Variants in ACTRT3 observed in about 807,000 individuals in gnomAD.
The protein encoded by ACTRT3 is actin related protein T3, also known as actin-related protein T3.
A neutral mutation model predicts 17.6 loss-of-function variants in ACTRT3; 15 were observed. The ratio of observed to expected loss-of-function variants is 0.85; its 90% CI spans 0.57 to 1.31. ACTRT3 has a LOEUF of 1.31. Among genes scored for constraint, ACTRT3 ranks in the 50% most tolerant of loss-of-function variants. The pLI, the probability that ACTRT3 is intolerant of heterozygous loss-of-function variation, is 0.00. For missense variants in ACTRT3, 457 were observed against 466.7 expected, an observed-to-expected ratio of 0.98 and a Z score of 0.19; for synonymous variants, 169 against 176.4, an observed-to-expected ratio of 0.96 and a Z score of 0.33.
chr3:169,767,322 T>A lies in ACTRT3; in HGVS notation c.*110A>T. On this transcript the variant is annotated 3_prime_UTR_variant, in exon 2 of 2. Coordinates refer to ENST00000330368, the MANE Select transcript of ACTRT3 (RefSeq NM_032487.5). ...CCATTATAGAAATACAACAGAAATATTGGCATCCCAATAGGTGAAGTATTT... is the reference window on the plus strand; with the variant it reads ...CCATTATAGAAATACAACAGAAATAATGGCATCCCAATAGGTGAAGTATTT... The A allele has an allele frequency of 2.1e-6, 2 of 950,148 alleles. No individual in the cohort carries two copies. The allele number at this position is 950,148 out of a possible 1,614,324, so 58.9% of individuals were successfully genotyped here. A position where few individuals can be genotyped will look rare whatever the true frequency, so the allele number is the denominator to read the frequency against.
rs1778041676 is a variant in ACTRT3 at position 169,769,360 on chromosome 3, C to T, written c.161G>A (p.Gly54Asp). Reference sequence around the variant, plus strand: ...GCTCCTCCAGTCCTGAGCTTGGTCGCCCACGCAGAGTTCTAGCCCGCCCTG... The same window carrying T: ...GCTCCTCCAGTCCTGAGCTTGGTCGTCCACGCAGAGTTCTAGCCCGCCCTG... ...AAQGGLELCV[G>D]DQAQDWRSSL... The change falls in exon 1 of 2, where the codon GGC becomes GAC. Residue 54 changes from glycine (G) to aspartate (D), a missense_variant. By Grantham distance (94) the Gly-to-Asp change is moderately conservative. Coordinates refer to ENST00000330368, the MANE Select transcript of ACTRT3 (RefSeq NM_032487.5). 6.3e-6 allele frequency: 10 copies of T among 1,589,724 alleles called. No homozygotes were observed. The highest frequency in any genetic ancestry group is 6.8e-6 in the Non-Finnish European group (8 of 1,172,148).
Position 169,769,452 on chromosome 3 carries a change from C to G in ACTRT3, c.69G>C (p.Gly23=). The G allele has an allele frequency of 6.2e-7, 1 of 1,610,820 alleles. No individual in the cohort carries two copies. The highest frequency in any genetic ancestry group is 2.2e-5 in the East Asian group (1 of 44,730). Residue 23 remains glycine (G), a synonymous_variant, in exon 1 of 2, where the codon GGG becomes GGC. Transcript: ENST00000330368. ...GGTAGATAAACTGGGGCTCCCGGCA[C>G]CCAGCCACGCCCGCCTTGATCATTC... The part of the protein sequence containing the change: ...GSGMIKAGVA[G]CREPQFIYPN...
rs139678886 is a variant in ACTRT3 at position 169,767,538 on chromosome 3, A to G, written c.1013T>C (p.Met338Thr). 2.0e-5 allele frequency: 32 copies of G among 1,614,066 alleles called. No individual in the cohort carries two copies. The African/African-American group carries it at 4.1e-4, about 21-fold the overall frequency. Reference sequence around the variant, plus strand: ...CAAGGATGCAAGAATAGAACCTCCCATCCACACTGATATTTTCCTTTCTGG... The same window carrying G: ...CAAGGATGCAAGAATAGAACCTCCCGTCCACACTGATATTTTCCTTTCTGG... ...APPERKISVW[M>T]GGSILASLSA... The change falls in exon 2 of 2, where the codon ATG (methionine) becomes ACG (threonine). Residue 338 changes from methionine to threonine, a missense_variant. Met to Thr is a moderately conservative substitution (Grantham distance 81). Coordinates refer to ENST00000330368, the MANE Select transcript of ACTRT3 (RefSeq NM_032487.5).
rs771375557 is a variant in ACTRT3, at chr3:169,768,022, G to A, written c.529C>T (p.Leu177=). 69 of 1,614,020 alleles carry A rather than the reference G, an allele frequency of 4.3e-5. No individual in the cohort carries two copies. The highest frequency in any genetic ancestry group is 5.8e-5 in the Non-Finnish European group (69 of 1,180,036). The part of the protein sequence containing the change: ...GYCLPHGVQQ[L]DLAGLDLTNY... Reference sequence around the variant, plus strand: ...GTGAGGTCAAGGCCTGCCAGATCCAGTTGCTGCACACCATGAGGCAGACAG... The same window carrying A: ...GTGAGGTCAAGGCCTGCCAGATCCAATTGCTGCACACCATGAGGCAGACAG... The change falls in exon 2 of 2, where the codon CTG becomes TTG. Residue 177 remains leucine (L), a synonymous_variant. Transcript: ENST00000330368.
In ACTRT3 at chr3:169,767,756, G is replaced by T. The variant is rs1401712310; in HGVS notation, c.795C>A (p.Asn265Lys). The stretch of plus-strand genomic sequence containing the variant: ...TCTTATCAATGCCAGGGGCCTCAAG[G>T]TTCATATGACACGGAGAGAAGAGGG... ...PEALFSPCHMNLEAPGIDKIC... is the reference protein window; with the variant it reads ...PEALFSPCHMKLEAPGIDKIC... Residue 265 changes from asparagine to lysine, a missense_variant, in exon 2 of 2, where the codon AAC becomes AAA. Transcript: ENST00000330368. 1.9e-6 allele frequency: 3 copies of T among 1,613,994 alleles called. No homozygotes were observed. The highest frequency in any genetic ancestry group is 3.3e-4 in the Middle Eastern group (2 of 6,084).
chr3:169,768,375 T>A (rs78107829), intron 1 of ACTRT3, 25 bp from the exon 2 acceptor site: 2 of 1,573,436 alleles, frequency 1.3e-6, no homozygotes, highest in African/African-American at 2.7e-5. Context: ...ATAAGATCAA[T>A]GACAGCTTTT....
Position 169,767,303 on chromosome 3 carries a change from T to C in ACTRT3, c.*129A>G, listed in dbSNP as rs16854356. 8,042 of 797,740 alleles carry C rather than the reference T, an allele frequency of 0.01. 473 individuals carry two copies. In the African/African-American group the frequency reaches 0.13, roughly 12 times the overall value. 49.4% of individuals were successfully genotyped at this position (797,740 alleles called of 1,614,324 possible). On this transcript the variant is annotated 3_prime_UTR_variant, in exon 2 of 2. Transcript: ENST00000330368. ...CCATTATTATCCCCCAAACCCATTA[T>C]AGAAATACAACAGAAATATTGGCAT...
Position 169,769,392 on chromosome 3 carries a change from G to C in ACTRT3, c.129C>G (p.Arg43=). The change falls in exon 1 of 2, where the codon CGC becomes CGG. Residue 43 remains arginine, a synonymous_variant. Transcript: ENST00000330368. ...NIIGRAKGQS[R]AAQGGLELCV... is the part of the protein sequence containing the mutation. ...AGAGTTCTAGCCCGCCCTGGGCCGCGCGGCTCTGGCCCTTGGCGCGGCCGA... is the reference window on the plus strand; with the variant it reads ...AGAGTTCTAGCCCGCCCTGGGCCGCCCGGCTCTGGCCCTTGGCGCGGCCGA... The C allele has an allele frequency of 6.2e-7, 1 of 1,605,178 alleles. No individual in the cohort carries two copies. The highest frequency in any genetic ancestry group is 8.5e-7 in the Non-Finnish European group (1 of 1,178,016).
Position 169,769,521 on chromosome 3 carries a change from G to A in ACTRT3, c.-1C>T. The A allele has an allele frequency of 6.2e-7, 1 of 1,607,622 alleles. No individual in the cohort carries two copies. Among genetic ancestry groups the A allele is most frequent in the Non-Finnish European group, 8.5e-7 (1 of 1,176,978 alleles). ...CCACCGGTAGCTGGCAGTGGTTCAT[G>A]CCGCCGCTGCTGCCGCCGCCTCCTG... On this transcript the variant is annotated 5_prime_UTR_variant, in exon 1 of 2. Transcript: ENST00000330368.
At position 169,767,693 on chromosome 3, in the gene ACTRT3, C is replaced by G; in HGVS notation, c.858G>C (p.Leu286=). ...TAATATTGGAAAAGAAGGAATTCCT[C>G]AGGCCTGTATCACATTTCATTATGC... ...FSSIMKCDTG[L]RNSFFSNIIL... The change falls in exon 2 of 2, where the codon CTG becomes CTC. Residue 286 remains leucine, a synonymous_variant. Transcript: ENST00000330368. 1 of 1,613,876 alleles carries G rather than the reference C, an allele frequency of 6.2e-7. No individual in the cohort carries two copies.
At chr3:169,768,931 A>G (rs912675799) in intron 1 of ACTRT3, among the ~76,000 whole-genome samples, 1 of 152,188 alleles carries the variant, frequency 6.6e-6, no homozygotes, top group African/African-American at 2.4e-5. Flanking sequence ...TTAAATGTCA[A>G]TTGAAGAGAA....
Position 169,767,495 on chromosome 3 carries a change from C to T in ACTRT3, c.1056G>A (p.Met352Ile). The part of the protein sequence containing the change: ...ILASLSAFQD[M>I]WITAAEFKEV... Reference sequence around the variant, plus strand: ...CTTTAAATTCTGCAGCAGTGATCCACATGTCCTGGAAGGCAGACAAGGATG... The same window carrying T: ...CTTTAAATTCTGCAGCAGTGATCCATATGTCCTGGAAGGCAGACAAGGATG... The change falls in exon 2 of 2, where the codon ATG becomes ATA. Residue 352 changes from methionine to isoleucine, a missense_variant. Transcript: ENST00000330368. 1.2e-6 allele frequency: 2 copies of T among 1,613,384 alleles called. No individual in the cohort carries two copies. The highest frequency in any genetic ancestry group is 1.3e-5 in the African/African-American group (1 of 75,030).
Position 169,767,338 on chromosome 3 carries a change from T to C in ACTRT3, c.*94A>G, listed in dbSNP as rs1169214607. Reference sequence around the variant, plus strand: ...ACAGAAATATTGGCATCCCAATAGGTGAAGTATTTTCTCTTCTCCCAGAAA... The same window carrying C: ...ACAGAAATATTGGCATCCCAATAGGCGAAGTATTTTCTCTTCTCCCAGAAA... On this transcript the variant is annotated 3_prime_UTR_variant, in exon 2 of 2. Coordinates refer to ENST00000330368, the MANE Select transcript of ACTRT3 (RefSeq NM_032487.5). The C allele has an allele frequency of 5.3e-6, 6 of 1,133,308 alleles. No individual in the cohort carries two copies. The East Asian group carries it at 7.5e-5, about 14-fold the overall frequency. 70.2% of individuals were successfully genotyped at this position (1,133,308 alleles called of 1,614,324 possible). A position where few individuals can be genotyped will look rare whatever the true frequency, so the allele number is the denominator to read the frequency against.
chr3:169,768,965 A>C (rs1299157345), intron 1 of ACTRT3, among the ~76,000 whole-genome samples: 1 of 152,202 alleles, frequency 6.6e-6, no homozygotes, highest in Non-Finnish European at 1.5e-5. Context: ...AAAAGGGACC[A>C]TGAGTTAATA....
rs757402055 is a variant in ACTRT3, at chr3:169,767,455, T to C, written c.1096A>G (p.Ile366Val). 5 of 1,604,172 alleles carry C rather than the reference T, an allele frequency of 3.1e-6. No homozygotes were observed. The highest frequency in any genetic ancestry group is 4.3e-6 in the Non-Finnish European group (5 of 1,175,114). The change falls in exon 2 of 2, where the codon ATA (isoleucine) becomes GTA (valine). Residue 366 changes from isoleucine (I) to valine (V), a missense_variant. Ile to Val is a conservative substitution (Grantham distance 29). Transcript: ENST00000330368. ...AAEFKEVGPN[I>V]VHQRCF ...TTTCAGAAGCATCTTTGGTGTACTA[T>C]GTTGGGTCCAACTTCTTTAAATTCT...
Position 169,769,358 on chromosome 3 carries a change from C to T in ACTRT3, c.163G>A (p.Asp55Asn), listed in dbSNP as rs768104346. 2 of 1,587,276 alleles carry T rather than the reference C, an allele frequency of 1.3e-6. No individual in the cohort carries two copies. Among genetic ancestry groups the T allele is most frequent in the African/African-American group, 1.5e-5 (1 of 67,260 alleles). ...GAGCTCCTCCAGTCCTGAGCTTGGT[C>T]GCCCACGCAGAGTTCTAGCCCGCCC... ...AQGGLELCVG[D>N]QAQDWRSSLF... Residue 55 changes from aspartate to asparagine, a missense_variant, in exon 1 of 2, where the codon GAC becomes AAC. Coordinates refer to ENST00000330368, the MANE Select transcript of ACTRT3 (RefSeq NM_032487.5).
chr3:169,767,967 T>C lies in ACTRT3; in HGVS notation c.584A>G (p.His195Arg), dbSNP rs754720867. Residue 195 changes from histidine (H) to arginine (R), a missense_variant, in exon 2 of 2, where the codon CAT becomes CGT. By Grantham distance (29) the His-to-Arg change is conservative. Transcript: ENST00000330368. ...TGAAGCACTGAGCAACATGATACCA[T>C]GGTTCTTCATTAGCACCATGAGGTA... ...TNYLMVLMKN[H>R]GIMLLSASDR... 1.2e-6 allele frequency: 2 copies of C among 1,614,202 alleles called. No individual in the cohort carries two copies. Among genetic ancestry groups the C allele is most frequent in the South Asian group, 1.1e-5 (1 of 91,090 alleles).
Position 169,769,478 on chromosome 3 carries a change from C to T in ACTRT3, c.43G>A (p.Gly15Arg). ...QLPVVIDNGSGMIKAGVAGCR... is the reference protein window; with the variant it reads ...QLPVVIDNGSRMIKAGVAGCR... ...CCAGCCACGCCCGCCTTGATCATTC[C>T]CGAGCCGTTGTCGATCACCACCGGT... The change falls in exon 1 of 2, where the codon GGA becomes AGA. Residue 15 changes from glycine to arginine, a missense_variant. Transcript: ENST00000330368. 6.2e-7 allele frequency: 1 copy of T among 1,611,046 alleles called. No homozygotes were observed. The highest frequency in any genetic ancestry group is 8.5e-7 in the Non-Finnish European group (1 of 1,179,396).
Position 169,768,550 on chromosome 3 carries a change from CAG to C in ACTRT3, c.201-202_201-201del, listed in dbSNP as rs368752059. 8.8e-3 allele frequency among the ~76,000 whole-genome samples: 1,273 copies of C among 144,704 alleles called. 20 individuals carry two copies. The highest frequency in any genetic ancestry group is 0.032 in the African/African-American group (1,213 of 38,042). 94.9% of individuals were successfully genotyped at this position (144,704 alleles called of 152,430 possible). On this transcript the variant is annotated intron_variant, in intron 1 of 1. Coordinates refer to ENST00000330368, the MANE Select transcript of ACTRT3 (RefSeq NM_032487.5). ...CAATTTTTTTTTTTTTTTTTGGAGA[CAG>C]AGTCTCGCTCTGTCACCCAGGCTGG...
Sources: allele counts gnomAD v4.1 joint callset (sites outside exome capture counted in the v4.1 genomes callset), GRCh38; gene constraint gnomAD v4.1.1; transcripts MANE v1.5; gene names NCBI Gene and HGNC (gene_info 2026-07-23, HGNC 2026-07-21).